TENM2: variants seen among roughly 807,000 people sequenced by gnomAD.
The protein encoded by TENM2 is teneurin-2.
In TENM2, 52 loss-of-function variants were observed where a neutral mutation model predicts 245.2. The ratio of observed to expected loss-of-function variants is 0.21; its 90% confidence interval spans 0.17 to 0.27. The LOEUF is 0.27. Ranked by LOEUF, TENM2 falls within the 10% of genes least tolerant of loss-of-function variation. The pLI is 1.00. For synonymous variants in TENM2, 1,363 were observed against 1,438.9 expected (o/e 0.95, Z 1.19); for missense variants, 3,046 against 3,666.8 (o/e 0.83, Z 4.37).
intron 2 of TENM2, among the ~76,000 whole-genome samples, chr5:167,470,024 T>C (rs1022486760): frequency 3.2e-4 from 48 of 152,302 alleles, no homozygotes; most frequent in Non-Finnish European, 5.9e-5. Context: ...CTTTACGAGT[T>C]GAATAAAGTC....
intron 7 of TENM2, among the ~76,000 whole-genome samples, chr5:168,070,831 G>GAAAGGAAGAAGAGAA: frequency 7.0e-6 from 1 of 143,580 alleles, no homozygotes; most frequent in Non-Finnish European, 1.5e-5. Flanking sequence ...AAAAAAGAAA[G>GAAAGGAAGAAGAGAA]AAGAAAAAGA....
At chr5:167,461,417 G>A (rs1341772193) in intron 2 of TENM2, among the ~76,000 whole-genome samples, 5 of 152,088 alleles carry the variant, frequency 3.3e-5, no homozygotes. Context: ...GGCTCTTCTA[G>A]CACTTAGTGC....
the TENM2 span, among the ~76,000 whole-genome samples, chr5:167,111,931 T>TA: frequency 6.6e-6 from 1 of 152,204 alleles, no homozygotes; most frequent in Non-Finnish European, 1.5e-5. Flanking sequence ...TTCGATTTAC[T>TA]AATTTGTTCA....
At chr5:167,617,958 T>G (rs1183877882) in intron 2 of TENM2, among the ~76,000 whole-genome samples, 1 of 152,170 alleles carries the variant, frequency 6.6e-6, no homozygotes, top group East Asian at 1.9e-4. Context: ...TTTTAAGTAC[T>G]TTGTGATGGA....
intron 2 of TENM2, among the ~76,000 whole-genome samples, chr5:167,771,685 G>C (rs1179204109): frequency 6.6e-6 from 1 of 152,136 alleles, no homozygotes; most frequent in African/African-American, 2.4e-5. Context: ...GCATCTGATG[G>C]CTTCGCTAAT....
chr5:167,386,744 C>T (rs1233649963), intron 2 of TENM2, among the ~76,000 whole-genome samples: 1 of 152,166 alleles, frequency 6.6e-6, no homozygotes, highest in South Asian at 2.1e-4. Flanking sequence ...AGCCAAATAT[C>T]GCAGCACCAT....
At chr5:168,142,882 C>T (rs754615507) in intron 12 of TENM2, among the ~76,000 whole-genome samples, 2 of 152,226 alleles carry the variant, frequency 1.3e-5, no homozygotes, top group Non-Finnish European at 2.9e-5. Flanking sequence ...TAAGTGCTGG[C>T]TGGCTTGAGA....
intron 1 of TENM2, among the ~76,000 whole-genome samples, chr5:167,326,672 GAAT>G (rs1441890305): frequency 1.4e-5 from 2 of 144,952 alleles, no homozygotes; most frequent in African/African-American, 2.6e-5. Context: ...GACTCCGTCA[GAAT>G]AATAATAATA....
intron 1 of TENM2, among the ~76,000 whole-genome samples, chr5:167,329,118 T>G (rs72645748): frequency 5.9e-5 from 9 of 152,150 alleles, no homozygotes; most frequent in African/African-American, 2.2e-4. Flanking sequence ...ATTGGCTTCA[T>G]GCAACAACAA....
intron 2 of TENM2, among the ~76,000 whole-genome samples, chr5:167,506,961 A>G (rs975740922): frequency 3.3e-5 from 5 of 152,198 alleles, no homozygotes; most frequent in African/African-American, 1.2e-4. Context: ...TCATTCACAT[A>G]ATTACCCAAC....
In TENM2 at chr5:168,038,060, G is replaced by A. The variant is rs182487119; in HGVS notation, c.1187-9367G>A. Reference sequence around the variant, plus strand: ...GAGCTGATGGTTGTCAGTGGATGGAGTGATACTCAAGAGCTTCAGGTGTCA... The same window carrying A: ...GAGCTGATGGTTGTCAGTGGATGGAATGATACTCAAGAGCTTCAGGTGTCA... On this transcript the variant is annotated intron_variant, in intron 5 of 28. Transcript: ENST00000518659. Among the ~76,000 whole-genome samples the A allele has an allele frequency of 4.6e-5, 7 of 152,298 alleles. No homozygotes were observed. In the East Asian group the frequency reaches 1.4e-3, roughly 29 times the overall value.
intron 2 of TENM2, among the ~76,000 whole-genome samples, chr5:167,387,074 T>A (rs1021263820): frequency 1.3e-5 from 2 of 152,158 alleles, no homozygotes; most frequent in African/African-American, 4.8e-5. Flanking sequence ...GGGAATTGCA[T>A]TGAATTTGTA....
At chr5:168,004,517 G>GCACA (rs550787443) in intron 5 of TENM2, among the ~76,000 whole-genome samples, 6,913 of 132,048 alleles carry the variant, frequency 0.052, 168 homozygotes, top group African/African-American at 0.061. Context: ...GCGCGCGCGC[G>GCACA]CACACACACA....
chr5:167,396,931 A>G (rs897987043), intron 2 of TENM2, among the ~76,000 whole-genome samples: 11 of 152,068 alleles, frequency 7.2e-5, no homozygotes, highest in African/African-American at 2.7e-4. Context: ...GAACCAGCAA[A>G]AGTGTGGTTC....
chr5:167,353,462 G>T (rs1005927788), intron 1 of TENM2, among the ~76,000 whole-genome samples: 6 of 150,524 alleles, frequency 4.0e-5, no homozygotes, highest in Non-Finnish European at 7.4e-5. Context: ...CCACATGATG[G>T]CAGTGAATAG....
At chr5:167,210,564 C>T in the TENM2 span, among the ~76,000 whole-genome samples, 10 of 150,592 alleles carry the variant, frequency 6.6e-5, no homozygotes, top group Non-Finnish European at 1.2e-4. Context: ...CCCGGGTTCA[C>T]GCCATTCTCC....
chr5:167,713,126 C>A (rs1262305801), intron 2 of TENM2, among the ~76,000 whole-genome samples: 2 of 151,882 alleles, frequency 1.3e-5, no homozygotes, highest in African/African-American at 4.8e-5. Context: ...GGAAAGGATA[C>A]AATAGTGTTT....
At chr5:167,705,637 G>A (rs940827201) in intron 2 of TENM2, among the ~76,000 whole-genome samples, 7 of 152,002 alleles carry the variant, frequency 4.6e-5, no homozygotes, top group African/African-American at 1.7e-4. Context: ...TCCTGTTCAG[G>A]GCAGTTCTCC....
At chr5:167,761,350 C>A (rs1039528108) in intron 2 of TENM2, among the ~76,000 whole-genome samples, 2 of 152,126 alleles carry the variant, frequency 1.3e-5, no homozygotes, top group Admixed American at 1.3e-4. Flanking sequence ...ATTCACTGAT[C>A]TACCCCATCA....
Sources: allele counts gnomAD v4.1 joint callset (sites outside exome capture counted in the v4.1 genomes callset), GRCh38; gene constraint gnomAD v4.1.1; transcripts MANE v1.5; gene names NCBI Gene and HGNC (gene_info 2026-07-23, HGNC 2026-07-21).